RALGAPB: variants seen among roughly 807,000 people sequenced by gnomAD.
RALGAPB encodes Ral GTPase activating protein non-catalytic subunit beta.
Under a neutral mutation model 161.1 loss-of-function variants are expected in RALGAPB, and 25 were observed. The observed-to-expected ratio is 0.16, with a 90% confidence interval of 0.11 to 0.22. The LOEUF (loss-of-function observed/expected upper bound fraction) is 0.22, where lower values mean the gene tolerates loss of function less well. Ranked by LOEUF, RALGAPB falls within the 10% of genes least tolerant of loss-of-function variation. The pLI is 1.00. For missense variants in RALGAPB, 1,391 were observed against 1,815.2 expected (o/e 0.77, Z 4.25); for synonymous variants, 629 against 626.1 (o/e 1.00, Z -0.07).
intron 26 of RALGAPB, among the ~76,000 whole-genome samples, chr20:38,567,585 TAAAC>T (rs2088054616): frequency 6.6e-6 from 1 of 152,236 alleles, no homozygotes; most frequent in Non-Finnish European, 1.5e-5. Context: ...ATGTTCATCT[TAAAC>T]AAGTCTGACC....
chr20:38,539,143 A>G (rs1387953200), intron 16 of RALGAPB, among the ~76,000 whole-genome samples: 1 of 152,204 alleles, frequency 6.6e-6, no homozygotes, highest in African/African-American at 2.4e-5. Context: ...CAAAAAAAGT[A>G]CATATTGTAT....
chr20:38,478,009 G>A (rs940385008), intron 1 of RALGAPB, among the ~76,000 whole-genome samples: 2 of 152,196 alleles, frequency 1.3e-5, no homozygotes, highest in African/African-American at 4.8e-5. Flanking sequence ...CCTGTGGTCT[G>A]TTACTTGGGA....
At chr20:38,519,728 A>C (rs544798671) in intron 9 of RALGAPB, among the ~76,000 whole-genome samples, 71 of 152,302 alleles carry the variant, frequency 4.7e-4, no homozygotes, top group African/African-American at 1.7e-3. Context: ...TGAGGTGTCC[A>C]AATAGTTAAA....
chr20:38,493,753 A>G (rs1171146249), intron 3 of RALGAPB, among the ~76,000 whole-genome samples: 1 of 152,222 alleles, frequency 6.6e-6, no homozygotes, highest in Non-Finnish European at 1.5e-5. Flanking sequence ...CTTTCTAAAT[A>G]TAGAAGGGAG....
chr20:38,509,675 C>T (rs144814885), intron 6 of RALGAPB, among the ~76,000 whole-genome samples: 4 of 152,312 alleles, frequency 2.6e-5, no homozygotes, highest in Non-Finnish European at 5.9e-5. Flanking sequence ...TTCCTGCTGT[C>T]CCTGTCTTTT....
At chr20:38,524,400 G>A (rs6064653) in intron 10 of RALGAPB, among the ~76,000 whole-genome samples, 18,318 of 152,168 alleles carry the variant, frequency 0.12, 3,041 homozygotes, top group African/African-American at 0.37. Context: ...ACTGCAGCCT[G>A]TTGTTTTGTT....
chr20:38,482,023 A>G lies in RALGAPB; in HGVS notation c.-30-6380A>G, dbSNP rs149371503. ...GACCCTGTGCAATCAAAAATTTTCA[A>G]GTAACTTTTGACTCTGCCAAAACTA... On this transcript the variant is annotated intron_variant, in intron 1 of 29. Coordinates refer to ENST00000262879, the MANE Select transcript of RALGAPB (RefSeq NM_020336.4). Among the ~76,000 whole-genome samples the G allele has an allele frequency of 2.0e-3, 303 of 152,346 alleles. 4 individuals are homozygous for G. The highest frequency in any genetic ancestry group is 6.7e-3 in the African/African-American group (278 of 41,582).
intron 1 of RALGAPB, among the ~76,000 whole-genome samples, chr20:38,484,185 A>G (rs1036174841): frequency 6.6e-6 from 1 of 152,148 alleles, no homozygotes; most frequent in Non-Finnish European, 1.5e-5. Context: ...CTCAAAAAAA[A>G]GAAAAGAAAA....
At position 38,517,962 on chromosome 20, in the gene RALGAPB, A is replaced by G; in HGVS notation, c.1379A>G (p.Lys460Arg). The G allele has an allele frequency of 6.2e-7, 1 of 1,613,364 alleles. No individual in the cohort carries two copies. The highest frequency in any genetic ancestry group is 8.5e-7 in the Non-Finnish European group (1 of 1,179,304). The stretch of plus-strand genomic sequence containing the variant: ...TTTGATGCAGCATTTGTTCACTGTA[A>G]ACTTCATAATGGGATAAACAGAGAC... ...WLFDAAFVHC[K>R]LHNGINRDSS... The change falls in exon 9 of 30, where the codon AAA (lysine) becomes AGA (arginine). Residue 460 changes from lysine (K) to arginine (R), a missense_variant. Lys to Arg is a conservative substitution (Grantham distance 26, BLOSUM62 2). Transcript: ENST00000262879.
chr20:38,544,360 T>TTA (rs1491196758), intron 18 of RALGAPB, among the ~76,000 whole-genome samples: 237 of 152,312 alleles, frequency 1.6e-3, no homozygotes, highest in African/African-American at 5.3e-3. Context: ...TTTTTTTTTT[T>TTA]TAAATATTAC....
intron 24 of RALGAPB, among the ~76,000 whole-genome samples, chr20:38,565,082 C>T (rs1462901556): frequency 1.3e-5 from 2 of 152,048 alleles, no homozygotes; most frequent in African/African-American, 4.8e-5. Context: ...AAGGACTGCT[C>T]CCTTAATCTG....
At chr20:38,573,062 CTT>C (rs1363013577) in intron 28 of RALGAPB, among the ~76,000 whole-genome samples, 4 of 150,934 alleles carry the variant, frequency 2.7e-5, no homozygotes, top group African/African-American at 7.3e-5. Flanking sequence ...CATTTACTGT[CTT>C]TGTTGTTTTC....
At chr20:38,495,871 T>C (rs2085413367) in intron 3 of RALGAPB, among the ~76,000 whole-genome samples, 1 of 152,178 alleles carries the variant, frequency 6.6e-6, no homozygotes, top group Non-Finnish European at 1.5e-5. Flanking sequence ...TCCTTTCCTG[T>C]CATTGGGCAA....
At chr20:38,478,482 G>A (rs1158922952) in intron 1 of RALGAPB, among the ~76,000 whole-genome samples, 8 of 152,072 alleles carry the variant, frequency 5.3e-5, no homozygotes, top group Non-Finnish European at 1.2e-4. Flanking sequence ...GTGCAGTGGC[G>A]TGATCTCAGC....
chr20:38,531,607 C>T (rs1288343995), intron 14 of RALGAPB, among the ~76,000 whole-genome samples: 6 of 152,206 alleles, frequency 3.9e-5, no homozygotes, highest in Non-Finnish European at 8.8e-5. Flanking sequence ...TTCTTTCTAA[C>T]CCCTCTAGAC....
chr20:38,525,099 C>T (rs777859341), intron 11 of RALGAPB, among the ~76,000 whole-genome samples, 154 bp downstream of exon 11: 1 of 152,192 alleles, frequency 6.6e-6, no homozygotes, highest in African/African-American at 2.4e-5. Context: ...TCCAAACCCA[C>T]CTCATCCCTG....
intron 1 of RALGAPB, among the ~76,000 whole-genome samples, chr20:38,478,757 C>T (rs2084879071): frequency 6.6e-6 from 1 of 152,146 alleles, no homozygotes; most frequent in Non-Finnish European, 1.5e-5. Context: ...GCTGGGATTA[C>T]AGACATGCGC....
intron 1 of RALGAPB, among the ~76,000 whole-genome samples, chr20:38,475,693 C>T (rs1445268567): frequency 6.6e-6 from 1 of 151,092 alleles, no homozygotes; most frequent in Non-Finnish European, 1.5e-5. Context: ...CAGCTCACTA[C>T]AACCTCCGCC....
In RALGAPB at chr20:38,562,708, C is replaced by CA; in HGVS notation, c.3697+12dup. The CA allele has an allele frequency of 6.3e-7, 1 of 1,579,660 alleles. No individual in the cohort carries two copies. Among genetic ancestry groups the CA allele is most frequent in the African/African-American group, 1.4e-5 (1 of 72,706 alleles). On this transcript the variant is annotated intron_variant, in intron 24 of 29. Transcript: ENST00000262879. ...AAGGATCTCAACAAGGTAAAACTCACAGTGTTTCAAATGTCAGTTGTTTCT... is the reference window on the plus strand; with the variant it reads ...AAGGATCTCAACAAGGTAAAACTCACAAGTGTTTCAAATGTCAGTTGTTTCT...
Sources: gnomAD v4.1 joint callset for allele counts (sites outside exome capture counted in the v4.1 genomes callset) on GRCh38, gnomAD v4.1.1 for gene constraint, MANE v1.5 for transcripts, NCBI Gene and HGNC (gene_info 2026-07-23, HGNC 2026-07-21) for gene names.